Variants in KIF13A observed in about 807,000 individuals in gnomAD.
KIF13A encodes kinesin family member 13A.
In KIF13A, 79 loss-of-function variants were observed where a neutral mutation model predicts 212.2. The ratio of observed to expected loss-of-function variants is 0.37; its 90% CI spans 0.31 to 0.45. KIF13A has a LOEUF of 0.45. KIF13A is among the 20% of genes least tolerant of loss of function. The pLI is 1.00. For missense variants in KIF13A, 1,901 were observed against 2,209.0 expected, an observed-to-expected ratio of 0.86 and a Z score of 2.79; for synonymous variants, 789 against 808.6, an observed-to-expected ratio of 0.98 and a Z score of 0.41.
At chr6:17,877,086 G>T (rs1770630315) in intron 3 of KIF13A, among the ~76,000 whole-genome samples, 1 of 133,716 alleles carries the variant, frequency 7.5e-6, no homozygotes. Flanking sequence ...AGGGAAACAG[G>T]CATTTTTTTA....
At chr6:17,920,857 G>C (rs965280921) in intron 2 of KIF13A, among the ~76,000 whole-genome samples, 4 of 139,130 alleles carry the variant, frequency 2.9e-5, no homozygotes, top group Non-Finnish European at 6.2e-5. Context: ...CTGGGTGATA[G>C]GGCAGGACTA....
chr6:17,779,801 G>A (rs1280371568), intron 31 of KIF13A, 117 bp from the exon 32 acceptor site: 10 of 466,476 alleles, frequency 2.1e-5, no homozygotes, highest in Non-Finnish European at 3.9e-5. Context: ...GGGCAGTGGC[G>A]CGATCTCGGC....
intron 2 of KIF13A, among the ~76,000 whole-genome samples, chr6:17,935,295 A>C (rs1776361032): frequency 6.6e-6 from 1 of 152,130 alleles, no homozygotes; most frequent in African/African-American, 2.4e-5. Flanking sequence ...TCAAGCCCTG[A>C]GCTATTTCTG....
rs550738901 is a variant in KIF13A, at chr6:17,843,780, T to A, written c.830+5597A>T. 6.6e-6 allele frequency among the ~76,000 whole-genome samples: 1 copy of A among 152,296 alleles called. No individual in the cohort carries two copies. Among genetic ancestry groups the A allele is most frequent in the African/African-American group, 2.4e-5 (1 of 41,580 alleles). Reference sequence around the variant, plus strand: ...ATTAGTTGAGGCTGGGCACAGTGGCTCACGCCTGTAATCCACCACTTTTGG... The same window carrying A: ...ATTAGTTGAGGCTGGGCACAGTGGCACACGCCTGTAATCCACCACTTTTGG... On this transcript the variant is annotated intron_variant, in intron 9 of 38. Transcript: ENST00000259711. The surrounding 1 kb of genome is among the most constrained non-coding windows in gnomAD (Gnocchi z 5.3).
Position 17,809,821 on chromosome 6 carries a change from T to C in KIF13A, c.2001-891A>G, listed in dbSNP as rs1014220706. ...TACGCCGCAGGAAATGCTTACATCA[T>C]AGAAAAATAATGAACTCAAAGCACC... is the stretch of plus-strand genomic sequence containing the variant. On this transcript the variant is annotated intron_variant, in intron 17 of 38. Coordinates refer to ENST00000259711, the MANE Select transcript of KIF13A (RefSeq NM_022113.6). This position sits in a 1 kb window ranked among gnomAD's most constrained non-coding sequence, Gnocchi z 4.7. Among the ~76,000 whole-genome samples the C allele has an allele frequency of 4.6e-5, 7 of 152,196 alleles. No individual in the cohort carries two copies. The highest frequency in any genetic ancestry group is 1.3e-4 in the Admixed American group (2 of 15,288).
chr6:17,769,078 C>T lies in KIF13A; in HGVS notation c.4581+2036G>A, dbSNP rs1371016388. On this transcript the variant is annotated intron_variant, in intron 38 of 38. Transcript: ENST00000259711. The surrounding 1 kb of genome is among the most constrained non-coding windows in gnomAD (Gnocchi z 5.8). ...TGTTCTTCTCAAGAATGATTTCAAA[C>T]TCTCTTGATCATCTGAACTGAGTCA... is the stretch of plus-strand genomic sequence containing the variant. Among the ~76,000 whole-genome samples, 2 of 152,220 alleles carry T rather than the reference C, an allele frequency of 1.3e-5. No individual in the cohort carries two copies. The highest frequency in any genetic ancestry group is 4.8e-5 in the African/African-American group (2 of 41,452).
rs936822038 is a variant in KIF13A at position 17,871,945 on chromosome 6, G to A, written c.220+1432C>T. Among the ~76,000 whole-genome samples, 4 of 152,088 alleles carry A rather than the reference G, an allele frequency of 2.6e-5. No individual in the cohort carries two copies. Among genetic ancestry groups the A allele is most frequent in the Admixed American group, 6.6e-5 (1 of 15,258 alleles). ...GATTTAAATCTAAAAGTACACACCCGGCACAAAAATACAGAGTGCTAACAA... is the reference window on the plus strand; with the variant it reads ...GATTTAAATCTAAAAGTACACACCCAGCACAAAAATACAGAGTGCTAACAA... On this transcript the variant is annotated intron_variant, in intron 4 of 38. Transcript: ENST00000259711. This position sits in a 1 kb window ranked among gnomAD's most constrained non-coding sequence, Gnocchi z 4.4.
At position 17,786,210 on chromosome 6, in the gene KIF13A, C is replaced by T. The variant is rs1343346502; in HGVS notation, c.3362-569G>A. 1.3e-5 allele frequency among the ~76,000 whole-genome samples: 2 copies of T among 152,230 alleles called. No homozygotes were observed. The highest frequency in any genetic ancestry group is 1.9e-4 in the East Asian group (1 of 5,182). On this transcript the variant is annotated intron_variant, in intron 27 of 38. Transcript: ENST00000259711. The surrounding 1 kb of genome is among the most constrained non-coding windows in gnomAD (Gnocchi z 5.4). ...CCTGTCAAACAGGGATAAAAGAAGT[C>T]GTATCTACTTCATGTACTTGCTGGA...
In KIF13A at chr6:17,961,753, T is replaced by A. The variant is rs150924800; in HGVS notation, c.146+25301A>T. On this transcript the variant is annotated intron_variant, in intron 2 of 38. Transcript: ENST00000259711. The surrounding 1 kb of genome is among the most constrained non-coding windows in gnomAD (Gnocchi z 4.1). ...TCTAGGATCCTCCAGCCAAGTAAGA[T>A]GTCCACCTCCAGCAACGACATAGAC... Among the ~76,000 whole-genome samples the A allele has an allele frequency of 2.0e-5, 3 of 152,320 alleles. No homozygotes were observed. The East Asian group carries it at 5.8e-4, about 29-fold the overall frequency.
intron 16 of KIF13A, among the ~76,000 whole-genome samples, chr6:17,824,629 C>T (rs182832403): frequency 4.0e-4 from 61 of 151,910 alleles, no homozygotes; most frequent in Admixed American, 1.7e-3. Context: ...GGTGTGGTCA[C>T]GGGCGCCTGT....
rs1028682245 is a variant in KIF13A, at chr6:17,982,697, A to G, written c.146+4357T>C. Among the ~76,000 whole-genome samples, 4 of 152,160 alleles carry G rather than the reference A, an allele frequency of 2.6e-5. No homozygotes were observed. Among genetic ancestry groups the G allele is most frequent in the Admixed American group, 6.5e-5 (1 of 15,280 alleles). On this transcript the variant is annotated intron_variant, in intron 2 of 38. Transcript: ENST00000259711. This position sits in a 1 kb window ranked among gnomAD's most constrained non-coding sequence, Gnocchi z 5.1. ...TACAATTCACTTACATAAAATAATTAAGAACAAAAACTTCTGTAGAAAGCA... is the reference window on the plus strand; with the variant it reads ...TACAATTCACTTACATAAAATAATTGAGAACAAAAACTTCTGTAGAAAGCA...
chr6:17,937,361 C>G (rs986121833), intron 2 of KIF13A, among the ~76,000 whole-genome samples: 7 of 152,284 alleles, frequency 4.6e-5, no homozygotes, highest in Admixed American at 4.6e-4. Flanking sequence ...GATTAAACTC[C>G]TGAGGTTGCA....
chr6:17,965,546 A>G (rs766403364), intron 2 of KIF13A, among the ~76,000 whole-genome samples: 6 of 152,226 alleles, frequency 3.9e-5, no homozygotes, highest in Non-Finnish European at 8.8e-5. Flanking sequence ...CAAAAGTTCC[A>G]TTCTCTTTTT....
chr6:17,845,190 T>A (rs978645739), intron 9 of KIF13A, among the ~76,000 whole-genome samples: 4 of 152,046 alleles, frequency 2.6e-5, no homozygotes, highest in African/African-American at 9.7e-5. Context: ...TTCACGACCA[T>A]GAGAACAGCA....
intron 4 of KIF13A, among the ~76,000 whole-genome samples, chr6:17,870,614 A>G (rs868201620): frequency 2.7e-4 from 41 of 152,216 alleles, no homozygotes; most frequent in African/African-American, 9.6e-4. Flanking sequence ...CCTCACTCCA[A>G]TAGCCCCTAT....
chr6:17,775,889 CT>C (rs371250101), intron 34 of KIF13A, among the ~76,000 whole-genome samples: 31 of 150,994 alleles, frequency 2.1e-4, no homozygotes, highest in African/African-American at 6.8e-4. Context: ...TTTTTCTTCA[CT>C]TTTTTTTTGA....
chr6:17,794,776 C>A lies in KIF13A; in HGVS notation c.2943-72G>T. ...ACTGTTAGTAATAGTAATAAGCCAC[C>A]ATTCACTGAGCACTTACTATGTGCT... On this transcript the variant is annotated intron_variant, in intron 23 of 38. Transcript: ENST00000259711. This position sits in a 1 kb window ranked among gnomAD's most constrained non-coding sequence, Gnocchi z 4.1. 1 of 1,477,436 alleles carries A rather than the reference C, an allele frequency of 6.8e-7. No homozygotes were observed. The highest frequency in any genetic ancestry group is 9.1e-7 in the Non-Finnish European group (1 of 1,093,526). 91.5% of individuals were successfully genotyped at this position (1,477,436 alleles called of 1,614,324 possible). A position where few individuals can be genotyped will look rare whatever the true frequency, so the allele number is the denominator to read the frequency against.
chr6:17,956,696 C>T (rs1778382812), intron 2 of KIF13A, among the ~76,000 whole-genome samples: 1 of 152,074 alleles, frequency 6.6e-6, no homozygotes, highest in Non-Finnish European at 1.5e-5. Context: ...GATTCTCTCT[C>T]GCCGACCTTC....
At chr6:17,878,283 G>A (rs913281489) in intron 3 of KIF13A, among the ~76,000 whole-genome samples, 1 of 152,242 alleles carries the variant, frequency 6.6e-6, no homozygotes, top group African/African-American at 2.4e-5. Flanking sequence ...CTGGGGCAGA[G>A]AGTGCCTGTG....
Sources: gnomAD v4.1 joint callset for allele counts (sites outside exome capture counted in the v4.1 genomes callset) on GRCh38, gnomAD v4.1.1 for gene constraint, Gnocchi (gnomAD v3.1) non-coding constraint, MANE v1.5 for transcripts, NCBI Gene and HGNC (gene_info 2026-07-23, HGNC 2026-07-21) for gene names.